The following TSNAXIP1 variants were observed in gnomAD, a reference collection of about 807,000 sequenced individuals.
TSNAXIP1 encodes translin associated factor X interacting protein 1.
TSNAXIP1 carries 89 observed loss-of-function variants against 84.8 expected under a neutral mutation model. That is an observed-to-expected ratio of 1.05 (90% CI 0.88 to 1.25). The LOEUF (loss-of-function observed/expected upper bound fraction) is 1.25, where lower values mean the gene tolerates loss of function less well. Ranked by LOEUF, TSNAXIP1 falls within the 50% of genes most tolerant of loss-of-function variation. TSNAXIP1 has a pLI of 0.00. For missense variants in TSNAXIP1, 874 were observed against 887.6 expected, an observed-to-expected ratio of 0.98 and a Z score of 0.20; for synonymous variants, 347 against 335.2, an observed-to-expected ratio of 1.04 and a Z score of -0.39.
At position 67,826,490 on chromosome 16, in the gene TSNAXIP1, C is replaced by T. The variant is rs1567778305; in HGVS notation, c.1329C>T (p.Asn443=). 1.1e-5 allele frequency: 17 copies of T among 1,614,108 alleles called. No individual in the cohort carries two copies. Among genetic ancestry groups the T allele is most frequent in the Non-Finnish European group, 1.4e-5 (16 of 1,180,018 alleles). Residue 443 remains asparagine (N), a synonymous_variant, in exon 11 of 16, where the codon AAC becomes AAT. Coordinates refer to ENST00000561639, the MANE Select transcript of TSNAXIP1 (RefSeq NM_001288990.3). ...AFLRFDGLVE[N]KKPSKKDVVN... ...TTCGGTTTGATGGCCTCGTGGAGAA[C>T]AAGAAGCCAAGCAAGAAGGACGTGG...
At chr16:67,813,156 G>A (rs1345241139) in intron 1 of TSNAXIP1, among the ~76,000 whole-genome samples, 2 of 152,276 alleles carry the variant, frequency 1.3e-5, no homozygotes, top group East Asian at 3.9e-4. Flanking sequence ...GGAGGTGGAC[G>A]TGGGTGGATC....
At chr16:67,815,675 T>G (rs1472945537) in intron 2 of TSNAXIP1, among the ~76,000 whole-genome samples, 2 of 151,952 alleles carry the variant, frequency 1.3e-5, no homozygotes, top group African/African-American at 2.4e-5. Flanking sequence ...TTTTTTGCAT[T>G]TTTTGTAGAG....
intron 1 of TSNAXIP1, chr16:67,807,406 C>A (rs1180036367): frequency 5.3e-6 from 8 of 1,519,486 alleles, no homozygotes; most frequent in Non-Finnish European, 6.2e-6. Flanking sequence ...TTTATCATTA[C>A]TAGTAACAAC....
At chr16:67,819,954 G>A (rs2056904424) in intron 2 of TSNAXIP1, among the ~76,000 whole-genome samples, 1 of 151,920 alleles carries the variant, frequency 6.6e-6, no homozygotes, top group Non-Finnish European at 1.5e-5. Flanking sequence ...GAGTAGCTGG[G>A]ACTACAGGTG....
chr16:67,809,707 G>T (rs891990648), intron 1 of TSNAXIP1, among the ~76,000 whole-genome samples: 1 of 152,080 alleles, frequency 6.6e-6, no homozygotes, highest in Non-Finnish European at 1.5e-5. Context: ...CAACACTTTA[G>T]GAGTCTGAGG....
intron 2 of TSNAXIP1, among the ~76,000 whole-genome samples, chr16:67,817,107 A>C (rs561350857): frequency 1.3e-5 from 2 of 151,762 alleles, no homozygotes; most frequent in East Asian, 3.9e-4. Flanking sequence ...CTGGGACTAC[A>C]GGCACGTGTC....
In TSNAXIP1 at chr16:67,826,180, G is replaced by A. The variant is rs2057427695; in HGVS notation, c.1173G>A (p.Trp391Ter). Reference protein sequence around the residue: ...KDVVAGGPERWQMLAEGKNSD... With the variant: ...KDVVAGGPER ...TGGTGGCTGGGGGCCCAGAGCGCTG[G>A]CAGATGCTGGCTGAGGGCAAGAACA... Residue 391 changes from tryptophan to a stop codon, truncating the protein, a stop_gained, in exon 10 of 16, where the codon TGG (tryptophan) becomes TGA (stop). Coordinates refer to ENST00000561639, the MANE Select transcript of TSNAXIP1 (RefSeq NM_001288990.3). LOFTEE classifies it high-confidence loss of function. 2 of 1,612,438 alleles carry A rather than the reference G, an allele frequency of 1.2e-6. No individual in the cohort carries two copies. The highest frequency in any genetic ancestry group is 3.3e-5 in the Admixed American group (2 of 59,946).
Position 67,820,823 on chromosome 16 carries a change from C to G in TSNAXIP1, c.148-16C>G. The G allele has an allele frequency of 2.0e-6, 3 of 1,505,648 alleles. No homozygotes were observed. Among genetic ancestry groups the G allele is most frequent in the Non-Finnish European group, 1.8e-6 (2 of 1,123,720 alleles). 93.3% of individuals were successfully genotyped at this position (1,505,648 alleles called of 1,614,324 possible). On this transcript the variant is annotated splice_polypyrimidine_tract_variant and intron_variant, in intron 2 of 15. Coordinates refer to ENST00000561639, the MANE Select transcript of TSNAXIP1 (RefSeq NM_001288990.3). ...AGCAATGTTGCCATGGCAACCCCAC[C>G]TGTACCTCCCTGCAGACTGGTCAGT...
Position 67,814,267 on chromosome 16 carries a change from T to C in TSNAXIP1, c.48-35T>C, listed in dbSNP as rs751128417. 16 of 1,483,484 alleles carry C rather than the reference T, an allele frequency of 1.1e-5. No individual in the cohort carries two copies. The South Asian group carries it at 1.9e-4, about 18-fold the overall frequency. The allele number at this position is 1,483,484 out of a possible 1,614,324, so 91.9% of individuals were successfully genotyped here. ...GGAGTTCTCTTCCCACTCTGGACTC[T>C]GTCACCCACCATCAGCTTTCCCTTC... On this transcript the variant is annotated intron_variant, in intron 1 of 15. Transcript: ENST00000561639.
In TSNAXIP1 at chr16:67,820,825, G is replaced by C; in HGVS notation, c.148-14G>C. 1 of 1,510,172 alleles carries C rather than the reference G, an allele frequency of 6.6e-7. No homozygotes were observed. Among genetic ancestry groups the C allele is most frequent in the Non-Finnish European group, 8.9e-7 (1 of 1,126,644 alleles). 93.5% of individuals were successfully genotyped at this position (1,510,172 alleles called of 1,614,324 possible). A position where few individuals can be genotyped will look rare whatever the true frequency, so the allele number is the denominator to read the frequency against. On this transcript the variant is annotated splice_polypyrimidine_tract_variant and intron_variant, in intron 2 of 15. Transcript: ENST00000561639. ...CAATGTTGCCATGGCAACCCCACCT[G>C]TACCTCCCTGCAGACTGGTCAGTTC...
intron 2 of TSNAXIP1, among the ~76,000 whole-genome samples, chr16:67,816,819 G>A (rs1021909084): frequency 6.6e-6 from 1 of 152,010 alleles, no homozygotes; most frequent in African/African-American, 2.4e-5. Flanking sequence ...AGATCCCTCA[G>A]CTGTTAATAA....
At chr16:67,818,753 G>T (rs536102474) in intron 2 of TSNAXIP1, among the ~76,000 whole-genome samples, 1 of 150,986 alleles carries the variant, frequency 6.6e-6, no homozygotes, top group African/African-American at 2.4e-5. Context: ...GCCCAGACTG[G>T]AGTACAGTCG....
chr16:67,807,943 C>T (rs1437048904), intron 1 of TSNAXIP1, among the ~76,000 whole-genome samples: 1 of 152,148 alleles, frequency 6.6e-6, no homozygotes, highest in East Asian at 1.9e-4. Flanking sequence ...CCAGCTCCAT[C>T]AGCCTGGAGA....
chr16:67,814,296 G>C lies in TSNAXIP1; in HGVS notation c.48-6G>C. The stretch of plus-strand genomic sequence containing the variant: ...ACCCACCATCAGCTTTCCCTTCTCT[G>C]TGCAGATTACAGCCACGGCCTTCAG... On this transcript the variant is annotated splice_region_variant and splice_polypyrimidine_tract_variant and intron_variant, in intron 1 of 15. Coordinates refer to ENST00000561639, the MANE Select transcript of TSNAXIP1 (RefSeq NM_001288990.3). 1 of 1,534,902 alleles carries C rather than the reference G, an allele frequency of 6.5e-7. No individual in the cohort carries two copies.
intron 1 of TSNAXIP1, among the ~76,000 whole-genome samples, chr16:67,810,994 T>C (rs2056018902): frequency 6.6e-6 from 1 of 151,824 alleles, no homozygotes; most frequent in Admixed American, 6.6e-5. Flanking sequence ...TTTTTTTTTT[T>C]CCTTTTTCTG....
At chr16:67,816,426 G>T (rs2056557120) in intron 2 of TSNAXIP1, among the ~76,000 whole-genome samples, 1 of 152,146 alleles carries the variant, frequency 6.6e-6, no homozygotes, top group Non-Finnish European at 1.5e-5. Flanking sequence ...GCTGTATGGT[G>T]GTTTTCCTTC....
chr16:67,810,796 G>C (rs1427727759), intron 1 of TSNAXIP1, among the ~76,000 whole-genome samples: 2 of 148,970 alleles, frequency 1.3e-5, no homozygotes, highest in Admixed American at 1.3e-4. Context: ...CTGGAGTGCA[G>C]TGGCATGATC....
Position 67,807,307 on chromosome 16 carries a change from T to G in TSNAXIP1, c.47+111T>G, listed in dbSNP as rs1251088217. On this transcript the variant is annotated intron_variant, in intron 1 of 15. Transcript: ENST00000561639. ...TCCTGCTGGCCTCTGACCATTGATC[T>G]AGGGCTCCAGCACCACAGAGTCAAT... 2.6e-6 allele frequency: 4 copies of G among 1,534,306 alleles called. No homozygotes were observed. The Admixed American group carries it at 7.9e-5, about 30-fold the overall frequency.
intron 1 of TSNAXIP1, among the ~76,000 whole-genome samples, chr16:67,809,103 G>A (rs867352151): frequency 9.8e-5 from 14 of 142,320 alleles, no homozygotes; most frequent in Middle Eastern, 7.5e-3. Context: ...CCAGAAGTTC[G>A]AGAGGGTGTA....
Sources: allele counts gnomAD v4.1 joint callset (sites outside exome capture counted in the v4.1 genomes callset), GRCh38; gene constraint gnomAD v4.1.1; transcripts MANE v1.5; gene names NCBI Gene and HGNC (gene_info 2026-07-23, HGNC 2026-07-21).